ZNF687: variants seen among roughly 807,000 people sequenced by gnomAD.
ZNF687 encodes zinc finger protein 687.
In ZNF687, 13 loss-of-function variants were observed where a neutral mutation model predicts 71.8. The ratio of observed to expected loss-of-function variants is 0.18; its 90% confidence interval spans 0.12 to 0.29. The LOEUF (loss-of-function observed/expected upper bound fraction) is 0.29. ZNF687 is among the 10% of genes least tolerant of loss of function. ZNF687 has a pLI of 1.00. For synonymous variants in ZNF687, 673 were observed against 641.6 expected (o/e 1.05, Z -0.74); for missense variants, 1,412 against 1,625.6 (o/e 0.87, Z 2.26).
chr1:151,281,968 TAGGC>T, upstream of ZNF687: 1 of 1,193,134 alleles, frequency 8.4e-7, no homozygotes, highest in Non-Finnish European at 1.1e-6. Flanking sequence ...CCCCTTCCAG[TAGGC>T]AAGCTGGGAA....
rs777743394 is a variant in ZNF687, at chr1:151,289,398, T to C, written c.2492T>C (p.Met831Thr). The C allele has an allele frequency of 1.2e-6, 2 of 1,614,204 alleles. No individual in the cohort carries two copies. The highest frequency in any genetic ancestry group is 1.7e-6 in the Non-Finnish European group (2 of 1,180,044). ...TTCAGGCTGATCTACAAGTGCGCCA[T>C]GTGCGACACAGTCTTCACTCACAAA... ...QQAKLIYKCA[M>T]CDTVFTHKPL... is the part of the protein sequence containing the mutation. Residue 831 changes from methionine to threonine, a missense_variant, in exon 5 of 9, where the codon ATG becomes ACG. Met to Thr is a moderately conservative substitution (Grantham distance 81). This residue lies in a region of ZNF687 where 106 missense variants were observed against 146.0 expected (regional missense o/e 0.73). Coordinates refer to ENST00000336715, the MANE Select transcript of ZNF687 (RefSeq NM_020832.3).
Position 151,291,330 on chromosome 1 carries a change from C to A in ZNF687, c.*121C>A. The A allele has an allele frequency of 3.9e-6, 5 of 1,276,038 alleles. No individual in the cohort carries two copies. Among genetic ancestry groups the A allele is most frequent in the Non-Finnish European group, 5.3e-6 (5 of 948,644 alleles). The allele number at this position is 1,276,038 out of a possible 1,614,324, so 79.0% of individuals were successfully genotyped here. A position where few individuals can be genotyped will look rare whatever the true frequency, so the allele number is the denominator to read the frequency against. On this transcript the variant is annotated 3_prime_UTR_variant, in exon 9 of 9. Transcript: ENST00000336715. Reference sequence around the variant, plus strand: ...AATATTTTGTTAATTCCTGTCTCTCCAACCTGAAGAAGAAGAGCATTTGAG... The same window carrying A: ...AATATTTTGTTAATTCCTGTCTCTCAAACCTGAAGAAGAAGAGCATTTGAG...
rs771162031 is a variant in ZNF687 at position 151,287,600 on chromosome 1, A to G, written c.1309A>G (p.Ile437Val). 2 of 1,613,634 alleles carry G rather than the reference A, an allele frequency of 1.2e-6. No individual in the cohort carries two copies. The highest frequency in any genetic ancestry group is 1.7e-6 in the Non-Finnish European group (2 of 1,179,846). ...GGGGACTGCCACCAGCCCTAAGATG[A>G]TTGCTAAGAACGTGCTAGGCCTGGT... ...PGGTATSPKM[I>V]AKNVLGLVPQ... Residue 437 changes from isoleucine to valine, a missense_variant, in exon 2 of 9, where the codon ATT (isoleucine) becomes GTT (valine). Physicochemically the swap from Ile to Val is conservative, Grantham distance 29 (BLOSUM62 3). Coordinates refer to ENST00000336715, the MANE Select transcript of ZNF687 (RefSeq NM_020832.3). The surrounding 1 kb of genome is among the most constrained non-coding windows in gnomAD (Gnocchi z 5.0).
intron 4 of ZNF687, 52 bp from the exon 5 acceptor site, chr1:151,289,326 G>C (rs926799653): frequency 2.5e-6 from 4 of 1,612,948 alleles, no homozygotes; most frequent in Non-Finnish European, 3.4e-6. Flanking sequence ...GGGCGCAGGA[G>C]GGGAGGGGCT....
chr1:151,291,145 C>T lies in ZNF687; in HGVS notation c.3650C>T (p.Thr1217Ile). The change falls in exon 9 of 9, where the codon ACC becomes ATC. Residue 1217 changes from threonine to isoleucine, a missense_variant. This residue lies in a region of ZNF687 where 284 missense variants were observed against 359.2 expected (regional missense o/e 0.79). Transcript: ENST00000336715. ...TGCGACAGCCCTCTAAACCTCAAGA[C>T]CCACTTCCGCACGCATGGCATGGCG... ...KSCDSPLNLK[T>I]HFRTHGMAFI... 4 of 1,613,144 alleles carry T rather than the reference C, an allele frequency of 2.5e-6. No individual in the cohort carries two copies. In the South Asian group the frequency reaches 3.3e-5, roughly 13 times the overall value.
chr1:151,281,979 G>A, upstream of ZNF687: 1 of 1,214,882 alleles, frequency 8.2e-7, no homozygotes, highest in Non-Finnish European at 1.1e-6. Flanking sequence ...AGGCAAGCTG[G>A]GAAGCAGGCT....
chr1:151,286,346 C>A lies in ZNF687; in HGVS notation c.55C>A (p.Pro19Thr), dbSNP rs753727185. Residue 19 changes from proline (P) to threonine (T), a missense_variant, in exon 2 of 9, where the codon CCT becomes ACT. Pro to Thr is a conservative substitution (Grantham distance 38). Transcript: ENST00000336715. Reference sequence around the variant, plus strand: ...TGACCTCCTTGCTGCCTTTGACATCCCTGACATTGATGCGAATGAAGCCAT... The same window carrying A: ...TGACCTCCTTGCTGCCTTTGACATCACTGACATTGATGCGAATGAAGCCAT... ...FDDLLAAFDI[P>T]DIDANEAIHS... The A allele has an allele frequency of 1.2e-6, 2 of 1,600,822 alleles. No homozygotes were observed. Among genetic ancestry groups the A allele is most frequent in the East Asian group, 4.5e-5 (2 of 44,804 alleles).
At chr1:151,288,777 C>T (rs1187937041) in intron 3 of ZNF687, 71 bp downstream of exon 3, 48 of 1,490,358 alleles carry the variant, frequency 3.2e-5, no homozygotes, top group African/African-American at 4.2e-5. Flanking sequence ...GATGGCCTTT[C>T]AAGATCCCCT....
chr1:151,288,402 G>C lies in ZNF687; in HGVS notation c.2111G>C (p.Ser704Thr), dbSNP rs373871453. The C allele has an allele frequency of 1.1e-5, 17 of 1,603,420 alleles. No individual in the cohort carries two copies. Among genetic ancestry groups the C allele is most frequent in the Middle Eastern group, 1.7e-4 (1 of 6,058 alleles). Reference sequence around the variant, plus strand: ...GGCCCCCCTGCCCCTGGGGCCACCAGCAATGTGAGTCACCTTTCACAGCCC... The same window carrying C: ...GGCCCCCCTGCCCCTGGGGCCACCACCAATGTGAGTCACCTTTCACAGCCC... ...QLGPPAPGAT[S>T]NVCPTCPMML... The change falls in exon 2 of 9, where the codon AGC becomes ACC. Residue 704 changes from serine (S) to threonine (T), a missense_variant. Physicochemically the swap from Ser to Thr is moderately conservative, Grantham distance 58. Around this residue, in one of 8 missense-constraint regions of ZNF687, gnomAD observed 207 missense variants for 239.2 expected, o/e 0.87. Transcript: ENST00000336715.
rs377541398 is a variant in ZNF687, at chr1:151,290,010, G to C, written c.2964+3G>C. On this transcript the variant is annotated splice_donor_region_variant and intron_variant, in intron 6 of 8. Coordinates refer to ENST00000336715, the MANE Select transcript of ZNF687 (RefSeq NM_020832.3). Reference sequence around the variant, plus strand: ...ACATGAAGAAGGAGCATGGCAAGGTGAGTGGGCCCCAAGGGGAGTACCATG... The same window carrying C: ...ACATGAAGAAGGAGCATGGCAAGGTCAGTGGGCCCCAAGGGGAGTACCATG... The C allele has an allele frequency of 6.3e-7, 1 of 1,587,712 alleles. No individual in the cohort carries two copies. Among genetic ancestry groups the C allele is most frequent in the Admixed American group, 1.7e-5 (1 of 58,186 alleles).
chr1:151,290,623 A>C, intron 8 of ZNF687, 50 bp downstream of exon 8: 1 of 1,591,694 alleles, frequency 6.3e-7, no homozygotes, highest in Non-Finnish European at 8.6e-7. Context: ...GGGAAACTGG[A>C]AGGCAGAGAC....
In ZNF687 at chr1:151,287,311, G is replaced by A. The variant is rs1486476199; in HGVS notation, c.1020G>A (p.Gly340=). The change falls in exon 2 of 9, where the codon GGG becomes GGA. Residue 340 remains glycine, a synonymous_variant. Coordinates refer to ENST00000336715, the MANE Select transcript of ZNF687 (RefSeq NM_020832.3). The surrounding 1 kb of genome is among the most constrained non-coding windows in gnomAD (Gnocchi z 5.0). ...TCAAGACCATTAAAACATCCTGCGG[G>A]AATATCACAAGGACTGTAACTCAGG... ...VRIKTIKTSC[G]NITRTVTQVP... The A allele has an allele frequency of 6.2e-7, 1 of 1,614,170 alleles. No homozygotes were observed. The highest frequency in any genetic ancestry group is 1.1e-5 in the South Asian group (1 of 91,088).
chr1:151,283,806 C>T (rs1464914045), intron 1 of ZNF687: 54 of 985,222 alleles, frequency 5.5e-5, no homozygotes, highest in Non-Finnish European at 5.8e-5. Flanking sequence ...TGCCCCCACC[C>T]CAACCTTGGT....
chr1:151,289,111 G>A lies in ZNF687; in HGVS notation c.2311G>A (p.Val771Met), dbSNP rs1694083029. Residue 771 changes from valine (V) to methionine (M), a missense_variant, in exon 4 of 9, where the codon GTG becomes ATG. Coordinates refer to ENST00000336715, the MANE Select transcript of ZNF687 (RefSeq NM_020832.3). The stretch of plus-strand genomic sequence containing the variant: ...CCTCCCTAGGTGCCCCAGCTGTTCA[G>A]TGGTGTTTGGGGGTGTGAACTCCAT... ...RVGYRCPSCS[V>M]VFGGVNSIKS... 3 of 1,614,174 alleles carry A rather than the reference G, an allele frequency of 1.9e-6. No homozygotes were observed. Among genetic ancestry groups the A allele is most frequent in the East Asian group, 4.5e-5 (2 of 44,886 alleles).
At chr1:151,284,256 G>A in intron 1 of ZNF687, 5 of 985,326 alleles carry the variant, frequency 5.1e-6, no homozygotes, top group Non-Finnish European at 6.0e-6. Context: ...CAGCTGTGCT[G>A]GAGAAATGTG....
In ZNF687 at chr1:151,291,558, A is replaced by T. The variant is rs2101890890; in HGVS notation, c.*349A>T. On this transcript the variant is annotated 3_prime_UTR_variant, in exon 9 of 9. Coordinates refer to ENST00000336715, the MANE Select transcript of ZNF687 (RefSeq NM_020832.3). ...TCAGGGAAGGACTGATGGGGGTGTC[A>T]TGGATGGACACACCTCTCCACAATT... 4.6e-6 allele frequency: 1 copy of T among 218,350 alleles called. No individual in the cohort carries two copies. Among genetic ancestry groups the T allele is most frequent in the East Asian group, 1.2e-4 (1 of 8,380 alleles). The allele number at this position is 218,350 out of a possible 1,614,324, so 13.5% of individuals were successfully genotyped here. A position where few individuals can be genotyped will look rare whatever the true frequency, so the allele number is the denominator to read the frequency against.
Position 151,288,346 on chromosome 1 carries a change from G to A in ZNF687, c.2055G>A (p.Lys685=). The A allele has an allele frequency of 1.2e-6, 2 of 1,610,728 alleles. No individual in the cohort carries two copies. The highest frequency in any genetic ancestry group is 1.7e-6 in the Non-Finnish European group (2 of 1,179,832). ...AGTGCAAGGAACAGTGCCGGGACAA[G>A]GCTGGCATGGCAGCTCACTTCCAGC... The part of the protein sequence containing the change: ...CLECKEQCRD[K]AGMAAHFQQL... The change falls in exon 2 of 9, where the codon AAG becomes AAA. Residue 685 remains lysine, a synonymous_variant. Coordinates refer to ENST00000336715, the MANE Select transcript of ZNF687 (RefSeq NM_020832.3).
Position 151,283,238 on chromosome 1 carries a change from C to G in ZNF687, c.-18+843C>G, listed in dbSNP as rs968254942. The G allele has an allele frequency of 1.0e-5, 10 of 985,336 alleles. No homozygotes were observed. In the African/African-American group the frequency reaches 1.4e-4, roughly 14 times the overall value. 61.0% of individuals were successfully genotyped at this position (985,336 alleles called of 1,614,324 possible). A position where few individuals can be genotyped will look rare whatever the true frequency, so the allele number is the denominator to read the frequency against. ...GCAGATGGCAGGGACTTAATTCCGT[C>G]TGCTACCCAGCTTGGCCTCAACCTA... On this transcript the variant is annotated intron_variant, in intron 1 of 8. Coordinates refer to ENST00000336715, the MANE Select transcript of ZNF687 (RefSeq NM_020832.3).
intron 3 of ZNF687, among the ~76,000 whole-genome samples, 188 bp from the exon 4 acceptor site, chr1:151,288,907 C>T (rs1217617055): frequency 6.6e-6 from 1 of 152,246 alleles, no homozygotes; most frequent in Non-Finnish European, 1.5e-5. Context: ...CTCTGGAGCT[C>T]CAGCTCTCCC....
Sources: gnomAD v4.1 joint callset for allele counts (sites outside exome capture counted in the v4.1 genomes callset) on GRCh38, gnomAD v4.1.1 for gene constraint, gnomAD v4.1.1 regional missense constraint, Gnocchi (gnomAD v3.1) non-coding constraint, MANE v1.5 for transcripts, NCBI Gene and HGNC (gene_info 2026-07-23, HGNC 2026-07-21) for gene names.